The following RGS6 variants were observed in gnomAD, a reference collection of about 807,000 sequenced individuals.
RGS6 encodes regulator of G-protein signaling 6.
A neutral mutation model predicts 78.5 loss-of-function variants in RGS6; 30 were observed. The ratio of observed to expected loss-of-function variants is 0.38; its 90% confidence interval spans 0.29 to 0.52. RGS6 has a LOEUF of 0.52. Ranked by LOEUF, RGS6 falls within the 20% of genes least tolerant of loss-of-function variation. RGS6 has a pLI of 0.85. For missense variants in RGS6, 495 were observed against 609.7 expected (o/e 0.81, Z 1.98); for synonymous variants, 206 against 206.0 (o/e 1.00, Z 0.00).
chr14:72,321,183 C>G (rs1595769585), intron 2 of RGS6, among the ~76,000 whole-genome samples: 3 of 151,710 alleles, frequency 2.0e-5, no homozygotes, highest in Admixed American at 2.0e-4. Context: ...AGTTAAATAG[C>G]TAAATAAGGG....
chr14:71,950,203 A>G (rs952199464), intron 1 of RGS6, among the ~76,000 whole-genome samples: 1 of 152,220 alleles, frequency 6.6e-6, no homozygotes, highest in African/African-American at 2.4e-5. Flanking sequence ...AGTCACCAGA[A>G]CAGCATGGTA....
intron 6 of RGS6, among the ~76,000 whole-genome samples, chr14:72,460,660 C>A (rs916165283): frequency 6.6e-6 from 1 of 152,166 alleles, no homozygotes; most frequent in African/African-American, 2.4e-5. Flanking sequence ...TGCATCCTTG[C>A]TGCTGACTCA....
At chr14:72,172,062 A>G (rs997492632) in intron 2 of RGS6, among the ~76,000 whole-genome samples, 18 of 152,088 alleles carry the variant, frequency 1.2e-4, no homozygotes, top group African/African-American at 4.3e-4. Flanking sequence ...TAACTCATTT[A>G]AATATGGAAG....
chr14:72,563,859 G>T lies in RGS6; in HGVS notation c.*1392G>T, dbSNP rs1265390473. ...AATCCAGACATTCACTCCCCCACTT[G>T]CTATGACTACCCTCCTTTGATCTAT... On this transcript the variant is annotated 3_prime_UTR_variant, in exon 18 of 18. Transcript: ENST00000553525. 1 of 151,960 alleles carries T rather than the reference G, an allele frequency of 6.6e-6. No individual in the cohort carries two copies. Among genetic ancestry groups the T allele is most frequent in the Non-Finnish European group, 1.5e-5 (1 of 68,020 alleles). The allele number at this position is 151,960 out of a possible 1,614,324, so 9.4% of individuals were successfully genotyped here. A position where few individuals can be genotyped will look rare whatever the true frequency, so the allele number is the denominator to read the frequency against.
At position 72,477,623 on chromosome 14, in the gene RGS6, C is replaced by T. The variant is rs375709557; in HGVS notation, c.793-645C>T. On this transcript the variant is annotated intron_variant, in intron 11 of 17. Coordinates refer to ENST00000553525, the MANE Select transcript of RGS6 (RefSeq NM_001204424.2). ...CAGGCTGACCAATATGATGAAACCC[C>T]ATCTCTACTAAAAATAGAAAAAAGT... Among the ~76,000 whole-genome samples the T allele has an allele frequency of 9.9e-5, 15 of 151,808 alleles. 1 individual carries two copies. Among genetic ancestry groups the T allele is most frequent in the African/African-American group, 3.6e-4 (15 of 41,418 alleles).
intron 15 of RGS6, among the ~76,000 whole-genome samples, chr14:72,520,791 C>A (rs1211181720): frequency 3.9e-5 from 6 of 152,176 alleles, no homozygotes; most frequent in Non-Finnish European, 7.4e-5. Flanking sequence ...ATGTTTTAAT[C>A]CATTTTGCTG....
At chr14:72,594,867 T>C in the RGS6 span, 1 of 152,072 alleles carries the variant, frequency 6.6e-6, no homozygotes, top group East Asian at 1.9e-4. Flanking sequence ...CAGGGTGACT[T>C]GTGAAGGCCA....
intron 2 of RGS6, among the ~76,000 whole-genome samples, chr14:72,131,216 A>C (rs761731770): frequency 1.3e-5 from 2 of 152,188 alleles, no homozygotes; most frequent in African/African-American, 2.4e-5. Context: ...AATCTTGCTA[A>C]AAAGCTATTT....
intron 2 of RGS6, among the ~76,000 whole-genome samples, chr14:72,062,775 G>A (rs2093956050): frequency 6.6e-6 from 1 of 152,146 alleles, no homozygotes; most frequent in African/African-American, 2.4e-5. Context: ...ATAGGCGGTT[G>A]GTCATTCAAT....
the RGS6 span, among the ~76,000 whole-genome samples, chr14:72,575,962 C>T: frequency 9.2e-4 from 140 of 152,358 alleles, no homozygotes; most frequent in African/African-American, 3.2e-3. Flanking sequence ...TCTTCTCAGA[C>T]GGCCAGAGCC....
chr14:72,208,402 T>A (rs1440896621), intron 2 of RGS6, among the ~76,000 whole-genome samples: 1 of 152,220 alleles, frequency 6.6e-6, no homozygotes, highest in Non-Finnish European at 1.5e-5. Flanking sequence ...CCTCAGTCGT[T>A]TGAGCCAAAA....
chr14:72,154,964 A>G (rs759220477), intron 2 of RGS6, among the ~76,000 whole-genome samples: 4 of 152,254 alleles, frequency 2.6e-5, no homozygotes, highest in Non-Finnish European at 4.4e-5. Flanking sequence ...AGCGGGCGGT[A>G]ATGAATCCCT....
At chr14:72,541,266 A>C in intron 17 of RGS6, 1 of 1,452,038 alleles carries the variant, frequency 6.9e-7, no homozygotes, top group Non-Finnish European at 9.1e-7. Flanking sequence ...TTTTAAGAAA[A>C]AGTCTAAGGC....
intron 2 of RGS6, among the ~76,000 whole-genome samples, chr14:72,238,446 C>T (rs894450266): frequency 1.1e-4 from 16 of 152,094 alleles, no homozygotes; most frequent in Non-Finnish European, 1.9e-4. Flanking sequence ...AGTGCCAAAC[C>T]GAAGGTATGT....
chr14:72,243,016 T>C, intron 2 of RGS6, among the ~76,000 whole-genome samples: 1 of 151,834 alleles, frequency 6.6e-6, no homozygotes, highest in East Asian at 1.9e-4. Flanking sequence ...ACCTGGCTTT[T>C]TGTGTGTGTG....
chr14:72,161,372 C>A (rs568198777), intron 2 of RGS6, among the ~76,000 whole-genome samples: 1 of 152,148 alleles, frequency 6.6e-6, no homozygotes, highest in African/African-American at 2.4e-5. Flanking sequence ...TATCCCAGAA[C>A]TTTAAAGTAT....
the RGS6 span, chr14:72,620,113 G>A: frequency 2.2e-6 from 2 of 912,910 alleles, no homozygotes; most frequent in Non-Finnish European, 3.1e-6. Context: ...GGCCCCACTT[G>A]GAGTCCTCAC....
the RGS6 span, among the ~76,000 whole-genome samples, chr14:72,580,240 C>G: frequency 6.6e-6 from 1 of 150,576 alleles, no homozygotes; most frequent in Non-Finnish European, 1.5e-5. Flanking sequence ...CATCCTAAAT[C>G]TTAAAATGTC....
chr14:71,990,912 C>T (rs1483132792), intron 2 of RGS6: 2 of 451,604 alleles, frequency 4.4e-6, no homozygotes. Context: ...TAGCATCCTC[C>T]ACATAGTTGG....
Sources: allele counts gnomAD v4.1 joint callset (sites outside exome capture counted in the v4.1 genomes callset), GRCh38; gene constraint gnomAD v4.1.1; transcripts MANE v1.5; gene names NCBI Gene and HGNC (gene_info 2026-07-23, HGNC 2026-07-21).